GPR132: variants seen among roughly 807,000 people sequenced by gnomAD.
The protein encoded by GPR132 is probable G protein-coupled receptor 132.
GPR132 carries 4 observed loss-of-function variants against 1.9 expected under a neutral mutation model. That is an observed-to-expected ratio of 2.13 (90% CI 1.05 to 4.87). GPR132 has a LOEUF of 4.87. Among genes scored for constraint, GPR132 ranks in the 30% most tolerant of loss-of-function variants. The probability of loss-of-function intolerance (pLI) is 0.01; values close to 1 mark genes in which losing one functional copy is unlikely to be tolerated. For missense variants in GPR132, 404 were observed against 512.5 expected, an observed-to-expected ratio of 0.79 and a Z score of 2.04; for synonymous variants, 233 against 234.2, an observed-to-expected ratio of 0.99 and a Z score of 0.05.
intron 3 of GPR132, among the ~76,000 whole-genome samples, chr14:105,053,220 G>A (rs1886700691): frequency 6.8e-6 from 1 of 147,640 alleles, no homozygotes; most frequent in East Asian, 2.1e-4. Flanking sequence ...GAGTGCAGTG[G>A]CACGATCTCA....
chr14:105,057,023 T>A, intron 2 of GPR132, 144 bp downstream of exon 2: 1 of 677,116 alleles, frequency 1.5e-6, no homozygotes, highest in South Asian at 1.6e-5. Context: ...ATGTAGCACC[T>A]CTAGATTTAT....
At chr14:105,063,535 C>T (rs1887005170) in intron 1 of GPR132, among the ~76,000 whole-genome samples, 1 of 151,892 alleles carries the variant, frequency 6.6e-6, no homozygotes, top group Admixed American at 6.6e-5. Flanking sequence ...GCCACCATGC[C>T]CGGCTAATTT....
chr14:105,064,001 G>A (rs747338245), intron 1 of GPR132, among the ~76,000 whole-genome samples: 10 of 151,978 alleles, frequency 6.6e-5, no homozygotes, highest in Middle Eastern at 3.4e-3. Flanking sequence ...CACCACGCCC[G>A]GCTAATTTTG....
chr14:105,051,110 C>T lies in GPR132; in HGVS notation c.1027G>A (p.Asp343Asn), dbSNP rs1886623437. The change falls in exon 4 of 4, where the codon GAC (aspartate) becomes AAC (asparagine). Residue 343 changes from aspartate (D) to asparagine (N), a missense_variant. Asp to Asn is a conservative substitution (Grantham distance 23, BLOSUM62 1). Coordinates refer to ENST00000329797, the MANE Select transcript of GPR132 (RefSeq NM_013345.4). This position sits in a 1 kb window ranked among gnomAD's most constrained non-coding sequence, Gnocchi z 8.0. ...ACGGGCGACTGCAGCTCCTCGGTGT[C>T]CCTGCTGTGGGTGAGCCTGGTGACG... is the stretch of plus-strand genomic sequence containing the variant. Reference protein sequence around the residue: ...TDVTRLTHSRDTEELQSPVAL... With the variant: ...TDVTRLTHSRNTEELQSPVAL... The T allele has an allele frequency of 5.0e-6, 8 of 1,614,148 alleles. No homozygotes were observed. The East Asian group carries it at 1.6e-4, about 31-fold the overall frequency.
At chr14:105,052,930 G>A (rs2140928098) in intron 3 of GPR132, among the ~76,000 whole-genome samples, 1 of 150,788 alleles carries the variant, frequency 6.6e-6, no homozygotes, top group East Asian at 2.0e-4. Flanking sequence ...CTGTACTCCA[G>A]CCTGGGCAAC....
rs1377105608 is a variant in GPR132 at position 105,055,500 on chromosome 14, G to C, written c.-80C>G. The C allele has an allele frequency of 2.6e-6, 2 of 769,424 alleles. No individual in the cohort carries two copies. Among genetic ancestry groups the C allele is most frequent in the Non-Finnish European group, 4.9e-6 (2 of 408,894 alleles). 47.7% of individuals were successfully genotyped at this position (769,424 alleles called of 1,614,324 possible). ...CCAAACGGAGACTCTGCCCCAGGAA[G>C]CACTCGCTCCGCATTTGCTCCCAGC... is the stretch of plus-strand genomic sequence containing the variant. On this transcript the variant is annotated 5_prime_UTR_variant, in exon 3 of 4. Coordinates refer to ENST00000329797, the MANE Select transcript of GPR132 (RefSeq NM_013345.4). The surrounding 1 kb of genome is among the most constrained non-coding windows in gnomAD (Gnocchi z 4.7).
chr14:105,059,594 T>C lies in GPR132; in HGVS notation c.-860-2314A>G, dbSNP rs909274654. Among the ~76,000 whole-genome samples, 1 of 151,614 alleles carries C rather than the reference T, an allele frequency of 6.6e-6. No individual in the cohort carries two copies. The highest frequency in any genetic ancestry group is 1.5e-5 in the Non-Finnish European group (1 of 67,862). On this transcript the variant is annotated intron_variant, in intron 1 of 3. Coordinates refer to ENST00000329797, the MANE Select transcript of GPR132 (RefSeq NM_013345.4). This position sits in a 1 kb window ranked among gnomAD's most constrained non-coding sequence, Gnocchi z 4.2. ...CCTACCTGTGTAGGCGAGAGACAAATGGTTGGGAAGCCCCCTCCCTGCTTC... is the reference window on the plus strand; with the variant it reads ...CCTACCTGTGTAGGCGAGAGACAAACGGTTGGGAAGCCCCCTCCCTGCTTC...
intron 3 of GPR132, among the ~76,000 whole-genome samples, chr14:105,052,659 C>T (rs1197542944): frequency 2.6e-5 from 4 of 151,434 alleles, no homozygotes; most frequent in Admixed American, 6.6e-5. Context: ...CTGAGGTTTT[C>T]AAAAATGTTG....
chr14:105,063,300 C>T (rs1886998222), intron 1 of GPR132, among the ~76,000 whole-genome samples: 1 of 151,988 alleles, frequency 6.6e-6, no homozygotes, highest in Non-Finnish European at 1.5e-5. Flanking sequence ...AGCATGACCT[C>T]ACCCAGCCAC....
intron 3 of GPR132, chr14:105,054,338 C>T (rs34116292): frequency 0.69 from 676,006 of 985,056 alleles, 239,225 homozygotes; most frequent in Non-Finnish European, 0.73. Flanking sequence ...CCCTCCTGTA[C>T]TTGAGGGCCT....
In GPR132 at chr14:105,051,945, C is replaced by T. The variant is rs768025358; in HGVS notation, c.192G>A (p.Ala64=). The change falls in exon 4 of 4, where the codon GCG becomes GCA. Residue 64 remains alanine, a synonymous_variant. Transcript: ENST00000329797. This position sits in a 1 kb window ranked among gnomAD's most constrained non-coding sequence, Gnocchi z 8.0. ...GCAGTACCTGCAGCAGCGCCAGCCA[C>T]GCAGTCAGGCAGTTGGCCGGCACCC... ...TLGVPANCLT[A]WLALLQVLQG... is the part of the protein sequence containing the mutation. 4.5e-5 allele frequency: 73 copies of T among 1,613,254 alleles called. No individual in the cohort carries two copies. Among genetic ancestry groups the T allele is most frequent in the African/African-American group, 8.0e-5 (6 of 74,936 alleles).
intron 1 of GPR132, among the ~76,000 whole-genome samples, chr14:105,058,296 G>A (rs1031945984): frequency 8.5e-5 from 13 of 152,142 alleles, no homozygotes; most frequent in African/African-American, 3.1e-4. Context: ...AGGAGGTAGG[G>A]GTTGCAGTGA....
chr14:105,063,845 C>CT (rs5811167), intron 1 of GPR132, among the ~76,000 whole-genome samples: 57 of 148,744 alleles, frequency 3.8e-4, no homozygotes, highest in African/African-American at 8.0e-4. Flanking sequence ...TTCTTTCTTT[C>CT]TTTTTTTTTT....
chr14:105,057,157 G>C lies in GPR132; in HGVS notation c.-747+10C>G, dbSNP rs937184270. On this transcript the variant is annotated intron_variant, in intron 2 of 3. Coordinates refer to ENST00000329797, the MANE Select transcript of GPR132 (RefSeq NM_013345.4). Reference sequence around the variant, plus strand: ...TCTTACATGTTCAAAGTCGGAGAAGGCTCTCTCACCTGGCATATTTTGCGG... The same window carrying C: ...TCTTACATGTTCAAAGTCGGAGAAGCCTCTCTCACCTGGCATATTTTGCGG... 48 of 1,531,290 alleles carry C rather than the reference G, an allele frequency of 3.1e-5. No homozygotes were observed. The East Asian group carries it at 3.9e-4, about 12-fold the overall frequency. The allele number at this position is 1,531,290 out of a possible 1,614,324, so 94.9% of individuals were successfully genotyped here.
rs753142210 is a variant in GPR132, at chr14:105,051,018, C to A, written c.1119G>T (p.Lys373Asn). ...VHPPGSPCPA[K>N]RLIEESC is the part of the protein sequence containing the mutation. The stretch of plus-strand genomic sequence containing the variant: ...CTCAGCAGGACTCCTCAATCAGCCT[C>A]TTTGCAGGGCATGGTGACCCTGGTG... Residue 373 changes from lysine (K) to asparagine (N), a missense_variant, in exon 4 of 4, where the codon AAG (lysine) becomes AAT (asparagine). Transcript: ENST00000329797. The surrounding 1 kb of genome is among the most constrained non-coding windows in gnomAD (Gnocchi z 8.0). 4.3e-5 allele frequency: 69 copies of A among 1,613,278 alleles called. No homozygotes were observed. Among genetic ancestry groups the A allele is most frequent in the Admixed American group, 2.5e-4 (15 of 59,988 alleles).
chr14:105,052,208 C>CT, intron 3 of GPR132, 106 bp from the exon 4 acceptor site: 8 of 868,342 alleles, frequency 9.2e-6, no homozygotes, highest in South Asian at 5.9e-5. Context: ...TCAGACTAGA[C>CT]ACACGCAGGT....
chr14:105,053,913 A>G (rs1356560681), intron 3 of GPR132: 11 of 1,131,608 alleles, frequency 9.7e-6, no homozygotes, highest in Non-Finnish European at 1.1e-5. Flanking sequence ...AAGGAGATCA[A>G]AGTGATCTCA....
rs1163454887 is a variant in GPR132 at position 105,057,195 on chromosome 14, G to A, written c.-775C>T. On this transcript the variant is annotated 5_prime_UTR_variant, in exon 2 of 4. Coordinates refer to ENST00000329797, the MANE Select transcript of GPR132 (RefSeq NM_013345.4). Reference sequence around the variant, plus strand: ...GCATATTTTGCGGGTTCCAATCTCAGTGTGGCTCTAAGATAAGCTTTCTAA... The same window carrying A: ...GCATATTTTGCGGGTTCCAATCTCAATGTGGCTCTAAGATAAGCTTTCTAA... 2.6e-6 allele frequency: 4 copies of A among 1,524,862 alleles called. No individual in the cohort carries two copies. The highest frequency in any genetic ancestry group is 2.4e-5 in the East Asian group (1 of 40,874). The allele number at this position is 1,524,862 out of a possible 1,614,324, so 94.5% of individuals were successfully genotyped here. A position where few individuals can be genotyped will look rare whatever the true frequency, so the allele number is the denominator to read the frequency against.
At chr14:105,061,241 C>T (rs1886934635) in intron 1 of GPR132, among the ~76,000 whole-genome samples, 2 of 152,252 alleles carry the variant, frequency 1.3e-5, no homozygotes, top group African/African-American at 2.4e-5. Flanking sequence ...CCGGGGGAGC[C>T]CTGCACCAGC....
Sources: allele counts gnomAD v4.1 joint callset (sites outside exome capture counted in the v4.1 genomes callset), GRCh38; gene constraint gnomAD v4.1.1; non-coding constraint Gnocchi (gnomAD v3.1); transcripts MANE v1.5; gene names NCBI Gene and HGNC (gene_info 2026-07-23, HGNC 2026-07-21).